Variants in FLRT2 observed in about 807,000 individuals in gnomAD.
The protein encoded by FLRT2 is fibronectin leucine rich transmembrane protein 2.
A neutral mutation model predicts 40.0 loss-of-function variants in FLRT2; 15 were observed. The ratio of observed to expected loss-of-function variants is 0.38; its 90% CI spans 0.25 to 0.58. The LOEUF (loss-of-function observed/expected upper bound fraction) is 0.58, where lower values mean the gene tolerates loss of function less well. FLRT2 is among the 20% of genes least tolerant of loss of function. The probability of loss-of-function intolerance (pLI) is 0.71; values close to 1 mark genes in which losing one functional copy is unlikely to be tolerated. For synonymous variants in FLRT2, 380 were observed against 336.8 expected, an observed-to-expected ratio of 1.13 and a Z score of -1.41; for missense variants, 726 against 840.0, an observed-to-expected ratio of 0.86 and a Z score of 1.68.
chr14:85,581,890 C>G (rs901242435), intron 1 of FLRT2, among the ~76,000 whole-genome samples: 11 of 152,136 alleles, frequency 7.2e-5, no homozygotes, highest in Non-Finnish European at 1.6e-4. Flanking sequence ...GGACATGTGA[C>G]ACATGTGATT....
At position 85,554,191 on chromosome 14, in the gene FLRT2, C is replaced by CA. The variant is rs537406435; in HGVS notation, c.-377+23659dup. On this transcript the variant is annotated intron_variant, in intron 1 of 1. Transcript: ENST00000330753. The stretch of plus-strand genomic sequence containing the variant: ...AAAAAAGGATTCATGAGTGAGCCAG[C>CA]AATCAACAAGTATTTACTGAAGCCT... 6.1e-4 allele frequency among the ~76,000 whole-genome samples: 93 copies of CA among 152,276 alleles called. 3 individuals carry two copies. The South Asian group carries it at 0.012, about 20-fold the overall frequency.
intron 1 of FLRT2, among the ~76,000 whole-genome samples, chr14:85,594,791 G>C (rs1448395662): frequency 1.3e-5 from 2 of 152,068 alleles, no homozygotes; most frequent in Non-Finnish European, 1.5e-5. Flanking sequence ...AAAATCTGCC[G>C]TTACCTTTTG....
In FLRT2 at chr14:85,638,642, T is replaced by C. The variant is rs963040045; in HGVS notation, c.*15145T>C. 1 of 152,156 alleles carries C rather than the reference T, an allele frequency of 6.6e-6. No homozygotes were observed. The highest frequency in any genetic ancestry group is 2.4e-5 in the African/African-American group (1 of 41,434). The allele number at this position is 152,156 out of a possible 1,614,324, so 9.4% of individuals were successfully genotyped here. A position where few individuals can be genotyped will look rare whatever the true frequency, so the allele number is the denominator to read the frequency against. On this transcript the variant is annotated 3_prime_UTR_variant, in exon 2 of 2. Transcript: ENST00000330753. ...AGGCTGTCTTGAATTCCTCCAACAA[T>C]AGACCCGTTATTATGTGAAAGTGTG... is the stretch of plus-strand genomic sequence containing the variant.
chr14:85,568,309 C>A (rs1221356500), intron 1 of FLRT2, among the ~76,000 whole-genome samples: 7 of 151,956 alleles, frequency 4.6e-5, no homozygotes, highest in Non-Finnish European at 8.8e-5. Flanking sequence ...CAGTGTCTCG[C>A]TGAATGGGCT....
At chr14:85,608,153 A>G (rs546951382) in intron 1 of FLRT2, among the ~76,000 whole-genome samples, 7 of 152,278 alleles carry the variant, frequency 4.6e-5, no homozygotes, top group African/African-American at 1.7e-4. Flanking sequence ...TAGGACTTCA[A>G]CATATGAGTT....
Position 85,638,426 on chromosome 14 carries a change from G to T in FLRT2, c.*14929G>T, listed in dbSNP as rs1340175304. 1 of 152,282 alleles carries T rather than the reference G, an allele frequency of 6.6e-6. No homozygotes were observed. Among genetic ancestry groups the T allele is most frequent in the Non-Finnish European group, 1.5e-5 (1 of 68,152 alleles). 9.4% of individuals were successfully genotyped at this position (152,282 alleles called of 1,614,324 possible). On this transcript the variant is annotated 3_prime_UTR_variant, in exon 2 of 2. Transcript: ENST00000330753. ...TCAGATCAGCTCTGATGGGCTGCAG[G>T]CTCAGTTTAGGCTTCCCTTGAGATT... is the stretch of plus-strand genomic sequence containing the variant.
intron 1 of FLRT2, among the ~76,000 whole-genome samples, chr14:85,609,064 G>A (rs944186401): frequency 2.0e-5 from 3 of 152,138 alleles, no homozygotes; most frequent in Non-Finnish European, 2.9e-5. Context: ...CTTTCCCACT[G>A]AGGTTCCGTC....
At chr14:85,590,229 T>C (rs546753132) in intron 1 of FLRT2, among the ~76,000 whole-genome samples, 27 of 152,100 alleles carry the variant, frequency 1.8e-4, no homozygotes, top group African/African-American at 2.4e-4. Context: ...CCAAATTTCC[T>C]TGGGGTGGGG....
chr14:85,591,884 A>G (rs1400001905), intron 1 of FLRT2, among the ~76,000 whole-genome samples: 2 of 152,250 alleles, frequency 1.3e-5, no homozygotes, highest in African/African-American at 2.4e-5. Context: ...TTCATGAGCT[A>G]AGCCCTGACT....
chr14:85,546,778 C>T (rs1341132725), intron 1 of FLRT2, among the ~76,000 whole-genome samples: 5 of 152,206 alleles, frequency 3.3e-5, no homozygotes, highest in Non-Finnish European at 7.4e-5. Context: ...TCTTCCTTCC[C>T]TCCAAGTGCT....
chr14:85,543,155 A>C (rs1372876857), intron 1 of FLRT2, among the ~76,000 whole-genome samples: 3 of 152,158 alleles, frequency 2.0e-5, no homozygotes, highest in Non-Finnish European at 4.4e-5. Context: ...ACTAAGGTGG[A>C]TCCTGTTTTG....
At chr14:85,571,396 T>C (rs906062454) in intron 1 of FLRT2, among the ~76,000 whole-genome samples, 3 of 152,194 alleles carry the variant, frequency 2.0e-5, no homozygotes, top group Admixed American at 2.0e-4. Flanking sequence ...CATTTTCACT[T>C]AACTGTTGAC....
chr14:85,620,983 G>A (rs992718908), intron 1 of FLRT2, among the ~76,000 whole-genome samples, 156 bp from the exon 2 acceptor site: 5 of 152,230 alleles, frequency 3.3e-5, no homozygotes, highest in Admixed American at 6.5e-5. Flanking sequence ...ACCTTTTCAA[G>A]TAAGTTACTG....
Position 85,638,705 on chromosome 14 carries a change from A to C in FLRT2, c.*15208A>C, listed in dbSNP as rs929020261. On this transcript the variant is annotated 3_prime_UTR_variant, in exon 2 of 2. Coordinates refer to ENST00000330753, the MANE Select transcript of FLRT2 (RefSeq NM_013231.6). ...AGGGATTTCTTTACTTATTGAGCAGAGCGAAGTAACATTAATTTGTGTTAT... is the reference window on the plus strand; with the variant it reads ...AGGGATTTCTTTACTTATTGAGCAGCGCGAAGTAACATTAATTTGTGTTAT... The C allele has an allele frequency of 6.6e-6, 1 of 152,200 alleles. No homozygotes were observed. The highest frequency in any genetic ancestry group is 1.5e-5 in the Non-Finnish European group (1 of 68,042). The allele number at this position is 152,200 out of a possible 1,614,324, so 9.4% of individuals were successfully genotyped here.
rs1595095215 is a variant in FLRT2 at position 85,621,429 on chromosome 14, C to T, written c.-86C>T. The stretch of plus-strand genomic sequence containing the variant: ...TGGAGTTCTGGACTTCAACAGAACC[C>T]CATCCAGTCATTTTGATTTTGCTGT... On this transcript the variant is annotated 5_prime_UTR_variant, in exon 2 of 2. Transcript: ENST00000330753. 1 of 1,284,642 alleles carries T rather than the reference C, an allele frequency of 7.8e-7. No individual in the cohort carries two copies. The highest frequency in any genetic ancestry group is 2.4e-5 in the East Asian group (1 of 41,866). The allele number at this position is 1,284,642 out of a possible 1,614,324, so 79.6% of individuals were successfully genotyped here.
At chr14:85,539,975 G>T (rs957959226) in intron 1 of FLRT2, among the ~76,000 whole-genome samples, 1 of 152,156 alleles carries the variant, frequency 6.6e-6, no homozygotes, top group Non-Finnish European at 1.5e-5. Flanking sequence ...TTTGATGAAA[G>T]TATCCATTTT....
At chr14:85,533,730 C>G (rs1372957631) in intron 1 of FLRT2, among the ~76,000 whole-genome samples, 2 of 152,024 alleles carry the variant, frequency 1.3e-5, no homozygotes, top group Admixed American at 1.3e-4. Context: ...GCCGCAGCTC[C>G]GTAGGGGACG....
Position 85,634,359 on chromosome 14 carries a change from A to C in FLRT2, c.*10862A>C, listed in dbSNP as rs953398204. 1 of 152,198 alleles carries C rather than the reference A, an allele frequency of 6.6e-6. No individual in the cohort carries two copies. Among genetic ancestry groups the C allele is most frequent in the Admixed American group, 6.5e-5 (1 of 15,278 alleles). 9.4% of individuals were successfully genotyped at this position (152,198 alleles called of 1,614,324 possible). On this transcript the variant is annotated 3_prime_UTR_variant, in exon 2 of 2. Transcript: ENST00000330753. ...TGCCAATCTCTATTCTGTTTGGACTAGTGTCTGTTTTGACTGGTAGGCCTC... is the reference window on the plus strand; with the variant it reads ...TGCCAATCTCTATTCTGTTTGGACTCGTGTCTGTTTTGACTGGTAGGCCTC...
Position 85,639,210 on chromosome 14 carries a change from A to C in FLRT2, c.*15713A>C, listed in dbSNP as rs983292420. On this transcript the variant is annotated 3_prime_UTR_variant, in exon 2 of 2. Coordinates refer to ENST00000330753, the MANE Select transcript of FLRT2 (RefSeq NM_013231.6). ...GGATTTGCTGGAAGCTGGGAAAGTGATGACTCTCATTCACTGTTGCCCTGT... is the reference window on the plus strand; with the variant it reads ...GGATTTGCTGGAAGCTGGGAAAGTGCTGACTCTCATTCACTGTTGCCCTGT... The C allele has an allele frequency of 2.6e-5, 4 of 152,212 alleles. No homozygotes were observed. In the East Asian group the frequency reaches 5.8e-4, roughly 22 times the overall value. The allele number at this position is 152,212 out of a possible 1,614,324, so 9.4% of individuals were successfully genotyped here. A position where few individuals can be genotyped will look rare whatever the true frequency, so the allele number is the denominator to read the frequency against.
Sources: gnomAD v4.1 joint callset for allele counts (sites outside exome capture counted in the v4.1 genomes callset) on GRCh38, gnomAD v4.1.1 for gene constraint, MANE v1.5 for transcripts, NCBI Gene and HGNC (gene_info 2026-07-23, HGNC 2026-07-21) for gene names.